DUOX1: variants seen among roughly 807,000 people sequenced by gnomAD.
DUOX1 encodes NADPH thyroid oxidase 1.
DUOX1 carries 134 observed loss-of-function variants against 181.8 expected under a neutral mutation model. The observed-to-expected ratio is 0.74, with a 90% CI of 0.64 to 0.85. DUOX1 has a LOEUF of 0.85. Among genes scored for constraint, DUOX1 ranks in the 40% least tolerant of loss-of-function variants. The probability of loss-of-function intolerance (pLI) is 0.00; values close to 1 mark genes in which losing one functional copy is unlikely to be tolerated. For missense variants in DUOX1, 1,814 were observed against 2,064.4 expected, an observed-to-expected ratio of 0.88 and a Z score of 2.35; for synonymous variants, 798 against 832.5, an observed-to-expected ratio of 0.96 and a Z score of 0.71.
chr15:45,151,952 G>C lies in DUOX1; in HGVS notation c.3093G>C (p.Val1031=). The C allele has an allele frequency of 6.2e-7, 1 of 1,614,058 alleles. No individual in the cohort carries two copies. The highest frequency in any genetic ancestry group is 8.5e-7 in the Non-Finnish European group (1 of 1,180,024). ...KFQRSCLHQT[V]QQFKRFIENY... is the part of the protein sequence containing the mutation. ...AACGCAGCTGTCTCCACCAGACGGTGCAACAGTTCAAGCGCTTCATTGAGA... is the reference window on the plus strand; with the variant it reads ...AACGCAGCTGTCTCCACCAGACGGTCCAACAGTTCAAGCGCTTCATTGAGA... The change falls in exon 24 of 34, where the codon GTG becomes GTC. Residue 1031 remains valine (V), a synonymous_variant. Coordinates refer to ENST00000389037, the MANE Select transcript of DUOX1 (RefSeq NM_175940.3).
intron 31 of DUOX1, among the ~76,000 whole-genome samples, chr15:45,163,140 G>T (rs946429856): frequency 3.9e-5 from 6 of 152,210 alleles, no homozygotes; most frequent in African/African-American, 1.4e-4. Flanking sequence ...ATTCCCATCT[G>T]CTCAGGCAGC....
At chr15:45,135,414 C>T (rs1196624380) in intron 5 of DUOX1, 60 bp from the exon 6 acceptor site, 3 of 1,520,452 alleles carry the variant, frequency 2.0e-6, no homozygotes, top group South Asian at 2.5e-5. Context: ...CGCCGGGCCC[C>T]GGCCTTCCCT....
Position 45,160,823 on chromosome 15 carries a change from T to C in DUOX1, c.3703-14T>C, listed in dbSNP as rs1897079857. On this transcript the variant is annotated splice_polypyrimidine_tract_variant and intron_variant, in intron 28 of 33. Transcript: ENST00000389037. ...GCATCGCTAGGTCTGAGCAGAGCTC[T>C]TTCCTCCATCTAGCTCATCATCCAT... 6.3e-7 allele frequency: 1 copy of C among 1,592,626 alleles called. No homozygotes were observed. The highest frequency in any genetic ancestry group is 1.3e-5 in the African/African-American group (1 of 74,746).
chr15:45,135,661 C>T lies in DUOX1; in HGVS notation c.683C>T (p.Pro228Leu). 6.7e-7 allele frequency: 1 copy of T among 1,501,630 alleles called. No homozygotes were observed. Among genetic ancestry groups the T allele is most frequent in the South Asian group, 1.3e-5 (1 of 76,534 alleles). The allele number at this position is 1,501,630 out of a possible 1,614,324, so 93.0% of individuals were successfully genotyped here. The change falls in exon 6 of 34, where the codon CCC (proline) becomes CTC (leucine). Residue 228 changes from proline to leucine, a missense_variant. Physicochemically the swap from Pro to Leu is moderately conservative, Grantham distance 98. This residue lies in a region of DUOX1 where 320 missense variants were observed against 313.1 expected (regional missense o/e 1.02). Coordinates refer to ENST00000389037, the MANE Select transcript of DUOX1 (RefSeq NM_175940.3). ...GACCCCGCCACCGGGCAGAACGGGCCCCGGGGGCTGTACGGTGAGGCCACA... is the reference window on the plus strand; with the variant it reads ...GACCCCGCCACCGGGCAGAACGGGCTCCGGGGGCTGTACGGTGAGGCCACA... The part of the protein sequence containing the change: ...APDPATGQNG[P>L]RGLYAFGAER...
At chr15:45,149,685 T>C (rs2094077346) in intron 21 of DUOX1, among the ~76,000 whole-genome samples, 2 of 152,076 alleles carry the variant, frequency 1.3e-5, no homozygotes, top group Admixed American at 1.3e-4. Flanking sequence ...CCCATCTCTA[T>C]TTAAAAAAGT....
intron 2 of DUOX1, among the ~76,000 whole-genome samples, chr15:45,133,397 C>T (rs1896202733): frequency 1.3e-5 from 2 of 152,202 alleles, no homozygotes; most frequent in Non-Finnish European, 2.9e-5. Flanking sequence ...CCGACCCTGC[C>T]CAGGGATGGG....
At chr15:45,148,251 G>A in intron 20 of DUOX1, 21 bp from the exon 21 acceptor site, 1 of 1,613,728 alleles carries the variant, frequency 6.2e-7, no homozygotes, top group Non-Finnish European at 8.5e-7. Flanking sequence ...GGGCCGGATG[G>A]TTCCTCTCCC....
intron 2 of DUOX1, among the ~76,000 whole-genome samples, chr15:45,133,349 GC>G (rs1896201671): frequency 6.6e-6 from 1 of 152,154 alleles, no homozygotes; most frequent in Non-Finnish European, 1.5e-5. Context: ...CTTGCCCTGG[GC>G]TCTGCTCAGC....
chr15:45,149,961 A>G (rs1333938740), intron 21 of DUOX1, among the ~76,000 whole-genome samples: 1 of 152,252 alleles, frequency 6.6e-6, no homozygotes, highest in Admixed American at 6.5e-5. Context: ...TGTTTTAAAC[A>G]TTCTGATTTA....
chr15:45,139,636 G>T, intron 12 of DUOX1, 37 bp downstream of exon 12: 2 of 1,515,284 alleles, frequency 1.3e-6, no homozygotes, highest in South Asian at 1.3e-5. Context: ...TAGGGCGGGA[G>T]GGACAAGGCA....
At chr15:45,156,109 T>C (rs138530786) in intron 28 of DUOX1, among the ~76,000 whole-genome samples, 180 bp downstream of exon 28, 1 of 152,302 alleles carries the variant, frequency 6.6e-6, no homozygotes, top group African/African-American at 2.4e-5. Flanking sequence ...ATGACCCCAA[T>C]ATGCAGCACT....
At chr15:45,157,635 A>G (rs959456255) in intron 28 of DUOX1, among the ~76,000 whole-genome samples, 2 of 152,090 alleles carry the variant, frequency 1.3e-5, no homozygotes, top group African/African-American at 2.4e-5. Context: ...CCTGGTCAAC[A>G]TGGCGAAACC....
In DUOX1 at chr15:45,148,465, G is replaced by A. The variant is rs1896718282; in HGVS notation, c.2818+18G>A. The A allele has an allele frequency of 6.2e-7, 1 of 1,603,272 alleles. No homozygotes were observed. Among genetic ancestry groups the A allele is most frequent in the African/African-American group, 1.3e-5 (1 of 74,846 alleles). ...TGTCAAAGGTGGGGCAGCCTGGTAG[G>A]CAGCACTGACTCATTGGTTAGGCAT... is the stretch of plus-strand genomic sequence containing the variant. On this transcript the variant is annotated intron_variant, in intron 21 of 33. Coordinates refer to ENST00000389037, the MANE Select transcript of DUOX1 (RefSeq NM_175940.3).
intron 21 of DUOX1, 126 bp downstream of exon 21, chr15:45,148,573 A>C (rs1180358191): frequency 9.7e-7 from 1 of 1,035,928 alleles, no homozygotes; most frequent in African/African-American, 1.6e-5. Flanking sequence ...AAATGAATGT[A>C]GTAATATGTA....
At position 45,141,325 on chromosome 15, in the gene DUOX1, A is replaced by T; in HGVS notation, c.1599A>T (p.Arg533=). ...CCAAGAAGGAGATTGAAGAAATCCG[A>T]AATACCACCCTGCAGGACGTGCTGG... ...LFSKKEIEEI[R]NTTLQDVLVA... The change falls in exon 14 of 34, where the codon CGA becomes CGT. Residue 533 remains arginine (R), a synonymous_variant. Transcript: ENST00000389037. 3 of 1,614,206 alleles carry T rather than the reference A, an allele frequency of 1.9e-6. No individual in the cohort carries two copies. Among genetic ancestry groups the T allele is most frequent in the Non-Finnish European group, 2.5e-6 (3 of 1,180,036 alleles).
At position 45,141,452 on chromosome 15, in the gene DUOX1, G is replaced by A. The variant is rs1036116959; in HGVS notation, c.1684+42G>A. The A allele has an allele frequency of 2.5e-6, 4 of 1,589,374 alleles. No homozygotes were observed. In the African/African-American group the frequency reaches 4.0e-5, roughly 16 times the overall value. ...TGGCTGGAGGAGTGGTGGGTCTGGAGCCTCGTCCCTCTTCAGCTCTGGGCT... is the reference window on the plus strand; with the variant it reads ...TGGCTGGAGGAGTGGTGGGTCTGGAACCTCGTCCCTCTTCAGCTCTGGGCT... On this transcript the variant is annotated intron_variant, in intron 14 of 33. Transcript: ENST00000389037.
At position 45,163,386 on chromosome 15, in the gene DUOX1, C is replaced by T. The variant is rs1402429553; in HGVS notation, c.4249-146C>T. ...CATCTCTGGCCTCAGAGCCTGGCCC[C>T]GTGGCCCATACACTCCATCTCCCCA... is the stretch of plus-strand genomic sequence containing the variant. On this transcript the variant is annotated intron_variant, in intron 31 of 33. Transcript: ENST00000389037. 8.5e-6 allele frequency: 10 copies of T among 1,181,980 alleles called. No homozygotes were observed. In the African/African-American group the frequency reaches 9.2e-5, roughly 11 times the overall value. 73.2% of individuals were successfully genotyped at this position (1,181,980 alleles called of 1,614,324 possible). A position where few individuals can be genotyped will look rare whatever the true frequency, so the allele number is the denominator to read the frequency against.
intron 31 of DUOX1, 80 bp downstream of exon 31, chr15:45,162,457 C>G: frequency 6.5e-7 from 1 of 1,539,930 alleles, no homozygotes; most frequent in South Asian, 1.3e-5. Context: ...TTCTCCTCTG[C>G]CTTTGTTCTT....
At position 45,161,329 on chromosome 15, in the gene DUOX1, G is replaced by T. The variant is rs559422712; in HGVS notation, c.3856+339G>T. On this transcript the variant is annotated intron_variant, in intron 29 of 33. Coordinates refer to ENST00000389037, the MANE Select transcript of DUOX1 (RefSeq NM_175940.3). ...AGCTACTCAGGAGGCTGAGGCAGGA[G>T]AATCGGTTGAACCTGGTAGGCAGAG... 7.5e-5 allele frequency among the ~76,000 whole-genome samples: 11 copies of T among 147,604 alleles called. No homozygotes were observed. The South Asian group carries it at 2.4e-3, about 32-fold the overall frequency.
Sources: gnomAD v4.1 joint callset for allele counts (sites outside exome capture counted in the v4.1 genomes callset) on GRCh38, gnomAD v4.1.1 for gene constraint, gnomAD v4.1.1 regional missense constraint, MANE v1.5 for transcripts, NCBI Gene and HGNC (gene_info 2026-07-23, HGNC 2026-07-21) for gene names.